The following GABRB1 variants were observed in gnomAD, a reference collection of about 807,000 sequenced individuals.
GABRB1 encodes gamma-aminobutyric acid type A receptor subunit beta1, also known as gamma-aminobutyric acid receptor subunit beta-1.
In GABRB1, 17 loss-of-function variants were observed where a neutral mutation model predicts 51.6. The ratio of observed to expected loss-of-function variants is 0.33; its 90% CI spans 0.23 to 0.49. The LOEUF (loss-of-function observed/expected upper bound fraction) is 0.49, where lower values mean the gene tolerates loss of function less well. Ranked by LOEUF, GABRB1 falls within the 20% of genes least tolerant of loss-of-function variation. The pLI is 0.99. For missense variants in GABRB1, 410 were observed against 600.6 expected, an observed-to-expected ratio of 0.68 and a Z score of 3.32; for synonymous variants, 247 against 218.9, an observed-to-expected ratio of 1.13 and a Z score of -1.14.
rs368281373 is a variant in GABRB1 at position 47,261,396 on chromosome 4, T to C, written c.462-58731T>C. ...AATCACAAGCATTCTTATACACCAATAACAGACAAACAGAGAGCCAAATCA... is the reference window on the plus strand; with the variant it reads ...AATCACAAGCATTCTTATACACCAACAACAGACAAACAGAGAGCCAAATCA... On this transcript the variant is annotated intron_variant, in intron 4 of 8. Transcript: ENST00000295454. Among the ~76,000 whole-genome samples the C allele has an allele frequency of 5.5e-4, 83 of 152,074 alleles. 1 individual carries two copies. In the South Asian group the frequency reaches 0.013, roughly 24 times the overall value.
At chr4:47,376,331 C>A (rs1175618991) in intron 5 of GABRB1, among the ~76,000 whole-genome samples, 2 of 152,132 alleles carry the variant, frequency 1.3e-5, no homozygotes, top group East Asian at 3.9e-4. Flanking sequence ...CCAAAAAGGG[C>A]CCAGAGGATC....
At chr4:47,289,779 A>C (rs376603093) in intron 4 of GABRB1, among the ~76,000 whole-genome samples, 245 of 152,248 alleles carry the variant, frequency 1.6e-3, no homozygotes, top group African/African-American at 5.8e-3. Flanking sequence ...CTACCTGAAA[A>C]CCTAACTTCA....
chr4:47,142,450 T>A (rs1716975316), intron 3 of GABRB1, among the ~76,000 whole-genome samples: 1 of 151,806 alleles, frequency 6.6e-6, no homozygotes, highest in Non-Finnish European at 1.5e-5. Flanking sequence ...TATAAATAGA[T>A]CATAAATGGT....
chr4:47,207,831 G>A (rs1720197024), intron 4 of GABRB1, among the ~76,000 whole-genome samples: 1 of 152,124 alleles, frequency 6.6e-6, no homozygotes, highest in South Asian at 2.1e-4. Flanking sequence ...CCTATGTAAA[G>A]GCATAGCATA....
Position 47,310,039 on chromosome 4 carries a change from C to T in GABRB1, c.462-10088C>T, listed in dbSNP as rs114711232. ...ATTCCACCTGCATCATACCTGCATT[C>T]ATGAATTATCATAAACCTAGGTTGA... On this transcript the variant is annotated intron_variant, in intron 4 of 8. Transcript: ENST00000295454. Among the ~76,000 whole-genome samples, 979 of 152,206 alleles carry T rather than the reference C, an allele frequency of 6.4e-3. 12 individuals carry two copies. The highest frequency in any genetic ancestry group is 0.022 in the African/African-American group (904 of 41,558).
intron 5 of GABRB1, 147 bp from the exon 6 acceptor site, chr4:47,403,171 C>A: frequency 1.4e-6 from 1 of 716,540 alleles, no homozygotes; most frequent in Non-Finnish European, 2.3e-6. Context: ...TCAGAAATAG[C>A]ACTCCACATG....
At chr4:47,039,824 A>C (rs1250157099) in intron 3 of GABRB1, among the ~76,000 whole-genome samples, 2 of 152,206 alleles carry the variant, frequency 1.3e-5, no homozygotes, top group Admixed American at 6.5e-5. Context: ...AAAACTTAAA[A>C]GGCACAGGGA....
intron 1 of GABRB1, among the ~76,000 whole-genome samples, chr4:46,998,291 T>C (rs1724065455): frequency 6.6e-6 from 1 of 152,214 alleles, no homozygotes; most frequent in South Asian, 2.1e-4. Flanking sequence ...AATTATTTTT[T>C]TATAATTTTC....
At chr4:47,031,752 C>T in intron 1 of GABRB1, 21 bp downstream of exon 1, 1 of 846,630 alleles carries the variant, frequency 1.2e-6, no homozygotes, top group Admixed American at 2.5e-5. Context: ...GTTGTTGAAT[C>T]TCGCTCTCTC....
At chr4:47,239,343 C>T (rs917053485) in intron 4 of GABRB1, among the ~76,000 whole-genome samples, 1 of 152,156 alleles carries the variant, frequency 6.6e-6, no homozygotes, top group African/African-American at 2.4e-5. Flanking sequence ...GAATATATCA[C>T]ATTTTAATTA....
chr4:47,084,906 C>A lies in GABRB1; in HGVS notation c.240+52422C>A, dbSNP rs538920267. On this transcript the variant is annotated intron_variant, in intron 3 of 8. Transcript: ENST00000295454. Reference sequence around the variant, plus strand: ...AATTTCTTGGTTCTCTCTTTACCAGCATCTATATGACTCACTTTTTTTTCT... The same window carrying A: ...AATTTCTTGGTTCTCTCTTTACCAGAATCTATATGACTCACTTTTTTTTCT... Among the ~76,000 whole-genome samples, 175 of 152,250 alleles carry A rather than the reference C, an allele frequency of 1.1e-3. 2 individuals carry two copies. The highest frequency in any genetic ancestry group is 3.5e-3 in the South Asian group (17 of 4,824).
intron 4 of GABRB1, among the ~76,000 whole-genome samples, chr4:47,188,023 T>C (rs534884776): frequency 5.1e-4 from 77 of 152,070 alleles, no homozygotes; most frequent in African/African-American, 1.8e-3. Context: ...ATTATAACCA[T>C]TTTTCAAATC....
At chr4:47,138,186 A>C (rs1025922288) in intron 3 of GABRB1, among the ~76,000 whole-genome samples, 2 of 152,062 alleles carry the variant, frequency 1.3e-5, no homozygotes, top group Admixed American at 6.6e-5. Context: ...GGGAAGTAGC[A>C]AATTTGCCCA....
chr4:47,095,456 T>C (rs533313097), intron 3 of GABRB1, among the ~76,000 whole-genome samples: 2 of 152,314 alleles, frequency 1.3e-5, no homozygotes, highest in South Asian at 2.1e-4. Flanking sequence ...GCCTGGTTCA[T>C]GTGTATGTGT....
chr4:47,156,962 C>T (rs1026663757), intron 3 of GABRB1, among the ~76,000 whole-genome samples: 4 of 151,962 alleles, frequency 2.6e-5, no homozygotes, highest in African/African-American at 7.2e-5. Context: ...AGCAAGACTC[C>T]ATCTCAAAAA....
At chr4:47,269,968 A>ACACACACACACACACACC (rs1722795957) in intron 4 of GABRB1, among the ~76,000 whole-genome samples, 1 of 151,842 alleles carries the variant, frequency 6.6e-6, no homozygotes, top group African/African-American at 2.4e-5. Flanking sequence ...ACACACACAC[A>ACACACACACACACACACC]CACACACAGG....
chr4:47,126,008 A>C (rs1393190420), intron 3 of GABRB1, among the ~76,000 whole-genome samples: 1 of 151,088 alleles, frequency 6.6e-6, no homozygotes, highest in Non-Finnish European at 1.5e-5. Context: ...TTGTGTCTAT[A>C]TATGTATACA....
intron 3 of GABRB1, among the ~76,000 whole-genome samples, chr4:47,100,807 AG>A (rs1325151831): frequency 6.6e-6 from 1 of 152,038 alleles, no homozygotes; most frequent in Non-Finnish European, 1.5e-5. Flanking sequence ...TGAGTATCAA[AG>A]AAGGAACCAT....
intron 4 of GABRB1, among the ~76,000 whole-genome samples, chr4:47,195,208 T>TA (rs1478020280): frequency 6.6e-6 from 1 of 151,864 alleles, no homozygotes; most frequent in Non-Finnish European, 1.5e-5. Flanking sequence ...CTACTAAAAA[T>TA]ACGAAAAAAT....
Sources: allele counts gnomAD v4.1 joint callset (sites outside exome capture counted in the v4.1 genomes callset), GRCh38; gene constraint gnomAD v4.1.1; transcripts MANE v1.5; gene names NCBI Gene and HGNC (gene_info 2026-07-23, HGNC 2026-07-21).